Variants in CSMD1 observed in about 807,000 individuals in gnomAD.
CSMD1 encodes CUB and Sushi multiple domains 1.
CSMD1 carries 213 observed loss-of-function variants against 417.5 expected under a neutral mutation model. The ratio of observed to expected loss-of-function variants is 0.51; its 90% confidence interval spans 0.46 to 0.57. The LOEUF is 0.57. Ranked by LOEUF, CSMD1 falls within the 20% of genes least tolerant of loss-of-function variation. The pLI, the probability that CSMD1 is intolerant of heterozygous loss-of-function variation, is 0.00. For missense variants in CSMD1, 6,923 were observed against 4,529.7 expected (o/e 1.53, Z -15.17); for synonymous variants, 2,862 against 1,736.8 (o/e 1.65, Z -16.11).
chr8:3,668,414 G>A lies in CSMD1; in HGVS notation c.1009+40000C>T, dbSNP rs539455261. 1.6e-4 allele frequency among the ~76,000 whole-genome samples: 24 copies of A among 152,272 alleles called. No homozygotes were observed. The East Asian group carries it at 4.6e-3, about 29-fold the overall frequency. On this transcript the variant is annotated intron_variant, in intron 7 of 69. Coordinates refer to ENST00000635120, the MANE Select transcript of CSMD1 (RefSeq NM_033225.6). ...AATATGTATTTTTAAGATAACTCAG[G>A]TAGCTACAGTGTAAGCTGAAGAGAT...
At chr8:4,704,756 G>A (rs1184948240) in intron 1 of CSMD1, among the ~76,000 whole-genome samples, 2 of 152,148 alleles carry the variant, frequency 1.3e-5, no homozygotes, top group African/African-American at 2.4e-5. Context: ...ATATGTGTGA[G>A]TTGTCGAGGC....
In CSMD1 at chr8:3,508,345, G is replaced by A. The variant is rs576072990; in HGVS notation, c.1345-14619C>T. On this transcript the variant is annotated intron_variant, in intron 10 of 69. Transcript: ENST00000635120. ...ACACAGGAAGGGGAACATCACACAC[G>A]GGGGCCTGTTATGGGGCAGGGGGAG... Among the ~76,000 whole-genome samples, 255 of 151,296 alleles carry A rather than the reference G, an allele frequency of 1.7e-3. 3 individuals carry two copies. Among genetic ancestry groups the A allele is most frequent in the Non-Finnish European group, 2.2e-3 (147 of 67,818 alleles).
intron 11 of CSMD1, among the ~76,000 whole-genome samples, chr8:3,485,276 G>C (rs1019885247): frequency 6.6e-6 from 1 of 152,140 alleles, no homozygotes; most frequent in Non-Finnish European, 1.5e-5. Flanking sequence ...TTTGCTGAGT[G>C]AGAAGCAATC....
intron 2 of CSMD1, among the ~76,000 whole-genome samples, chr8:4,594,195 CTTTTTTTTT>C (rs771415822): frequency 1.1e-5 from 1 of 92,374 alleles, no homozygotes; most frequent in African/African-American, 4.3e-5. Context: ...CTAAAGTGAT[CTTTTTTTTT>C]TTTTTTTTTT....
chr8:3,284,058 C>G (rs1802949488), intron 26 of CSMD1, 86 bp downstream of exon 26: 2 of 1,099,016 alleles, frequency 1.8e-6, no homozygotes, highest in South Asian at 2.8e-5. Context: ...TGTAAGGAGA[C>G]GCTGGTGAAT....
chr8:4,769,293 G>C (rs1796485744), intron 1 of CSMD1, among the ~76,000 whole-genome samples: 1 of 152,114 alleles, frequency 6.6e-6, no homozygotes, highest in Admixed American at 6.5e-5. Context: ...ACACCTGAAG[G>C]AATCTTTCTC....
At chr8:3,413,073 G>A (rs139516116) in intron 12 of CSMD1, among the ~76,000 whole-genome samples, 4 of 152,128 alleles carry the variant, frequency 2.6e-5, no homozygotes, top group East Asian at 1.9e-4. Context: ...CACATTATGA[G>A]CTTCCTACTT....
intron 3 of CSMD1, among the ~76,000 whole-genome samples, chr8:4,184,257 G>A (rs1246321902): frequency 6.6e-6 from 1 of 152,180 alleles, no homozygotes; most frequent in South Asian, 2.1e-4. Context: ...ATTCAGCACA[G>A]CCCATATGCT....
At chr8:4,247,834 T>C (rs1258469238) in intron 3 of CSMD1, among the ~76,000 whole-genome samples, 2 of 152,200 alleles carry the variant, frequency 1.3e-5, no homozygotes, top group East Asian at 3.9e-4. Flanking sequence ...TTTGTGACAT[T>C]ATTAATAAAT....
At chr8:3,021,615 T>G (rs1455909891) in intron 51 of CSMD1, among the ~76,000 whole-genome samples, 2 of 152,234 alleles carry the variant, frequency 1.3e-5, no homozygotes, top group Non-Finnish European at 2.9e-5. Flanking sequence ...GACACTTGGC[T>G]GACAGCATCC....
At chr8:4,622,942 T>A (rs1192572462) in intron 2 of CSMD1, among the ~76,000 whole-genome samples, 1 of 152,086 alleles carries the variant, frequency 6.6e-6, no homozygotes, top group Admixed American at 6.6e-5. Flanking sequence ...ATTTTAAAAA[T>A]CAGTTAAATT....
At chr8:3,557,408 A>C (rs1411948093) in intron 10 of CSMD1, among the ~76,000 whole-genome samples, 1 of 152,160 alleles carries the variant, frequency 6.6e-6, no homozygotes, top group Non-Finnish European at 1.5e-5. Context: ...ATGGGTCTTC[A>C]CTATTTGCCA....
intron 1 of CSMD1, among the ~76,000 whole-genome samples, chr8:4,662,916 A>G (rs1804689858): frequency 6.6e-6 from 1 of 152,202 alleles, no homozygotes; most frequent in Admixed American, 6.5e-5. Flanking sequence ...AAAAAGAGAG[A>G]AAGAAAAAGG....
intron 37 of CSMD1, among the ~76,000 whole-genome samples, chr8:3,179,211 C>T (rs1821150208): frequency 6.6e-6 from 1 of 151,974 alleles, no homozygotes; most frequent in Admixed American, 6.6e-5. Flanking sequence ...TCCCAAAGTG[C>T]TGGGATTACA....
intron 11 of CSMD1, among the ~76,000 whole-genome samples, chr8:3,477,037 C>A (rs1430309690): frequency 6.6e-6 from 1 of 152,054 alleles, no homozygotes; most frequent in African/African-American, 2.4e-5. Context: ...TCTGATTTTG[C>A]TGGTGGTTAC....
chr8:4,473,493 G>T (rs1011983292), intron 2 of CSMD1, among the ~76,000 whole-genome samples: 2 of 152,138 alleles, frequency 1.3e-5, no homozygotes, highest in African/African-American at 4.8e-5. Flanking sequence ...CAAATCCAAA[G>T]AACCCCCACT....
At chr8:3,304,063 C>T (rs1028034777) in intron 25 of CSMD1, among the ~76,000 whole-genome samples, 2 of 152,142 alleles carry the variant, frequency 1.3e-5, no homozygotes, top group Non-Finnish European at 2.9e-5. Context: ...AATAATTGGC[C>T]TAAAGTAAAA....
rs186813819 is a variant in CSMD1 at position 4,432,181 on chromosome 8, C to T, written c.303-12116G>A. Among the ~76,000 whole-genome samples the T allele has an allele frequency of 4.3e-3, 650 of 152,072 alleles. 3 individuals carry two copies. The highest frequency in any genetic ancestry group is 6.7e-3 in the Non-Finnish European group (455 of 67,992). On this transcript the variant is annotated intron_variant, in intron 2 of 69. Transcript: ENST00000635120. ...AAAAACATGATTGGCAATTATATTG[C>T]GAAGTTTGAAAAAGTAAAATTGGAA...
intron 8 of CSMD1, among the ~76,000 whole-genome samples, chr8:3,587,559 A>G (rs1221195433): frequency 1.3e-5 from 2 of 152,152 alleles, no homozygotes; most frequent in Non-Finnish European, 2.9e-5. Context: ...ATCCATATCT[A>G]TAATATCAGA....
Sources: gnomAD v4.1 joint callset for allele counts (sites outside exome capture counted in the v4.1 genomes callset) on GRCh38, gnomAD v4.1.1 for gene constraint, MANE v1.5 for transcripts, NCBI Gene and HGNC (gene_info 2026-07-23, HGNC 2026-07-21) for gene names.